STAM: variants seen among roughly 807,000 people sequenced by gnomAD.
STAM encodes signal transducing adapter molecule 1.
In STAM, 16 loss-of-function variants were observed where a neutral mutation model predicts 63.4. The observed-to-expected ratio is 0.25, with a 90% CI of 0.17 to 0.38. The LOEUF (loss-of-function observed/expected upper bound fraction) is 0.38. Ranked by LOEUF, STAM falls within the 10% of genes least tolerant of loss-of-function variation. The pLI is 1.00. For missense variants in STAM, 636 were observed against 657.1 expected (o/e 0.97, Z 0.35); for synonymous variants, 238 against 223.9 (o/e 1.06, Z -0.56).
At chr10:17,649,139 C>G (rs753146195) in intron 1 of STAM, among the ~76,000 whole-genome samples, 12 of 152,198 alleles carry the variant, frequency 7.9e-5, no homozygotes, top group Non-Finnish European at 1.8e-4. Flanking sequence ...TGCAGTGGCT[C>G]ACGCCAGTAA....
rs551633032 is a variant in STAM at position 17,695,087 on chromosome 10, A to G, written c.574A>G (p.Thr192Ala). 2.5e-6 allele frequency: 4 copies of G among 1,614,050 alleles called. No individual in the cohort carries two copies. Among genetic ancestry groups the G allele is most frequent in the Non-Finnish European group, 3.4e-6 (4 of 1,179,936 alleles). ...LSLKEQRQQS[T>A]TLSTLYPSTS... is the part of the protein sequence containing the mutation. ...TCTCAAGGAACAAAGGCAGCAGTCAACCACCCTTTCCACTTTGTATCCAAG... is the reference window on the plus strand; with the variant it reads ...TCTCAAGGAACAAAGGCAGCAGTCAGCCACCCTTTCCACTTTGTATCCAAG... The change falls in exon 7 of 14, where the codon ACC (threonine) becomes GCC (alanine). Residue 192 changes from threonine to alanine, a missense_variant. Physicochemically the swap from Thr to Ala is moderately conservative, Grantham distance 58. This residue lies in a region of STAM where 532 missense variants were observed against 536.9 expected (regional missense o/e 0.99). Coordinates refer to ENST00000377524, the MANE Select transcript of STAM (RefSeq NM_003473.4).
chr10:17,709,800 G>A (rs560880867), intron 13 of STAM, among the ~76,000 whole-genome samples: 1 of 150,076 alleles, frequency 6.7e-6, no homozygotes, highest in South Asian at 2.1e-4. Flanking sequence ...AGAGTTACGT[G>A]TTAGAGATGC....
intron 1 of STAM, among the ~76,000 whole-genome samples, chr10:17,654,267 G>T (rs548719107): frequency 1.3e-5 from 2 of 152,030 alleles, no homozygotes; most frequent in South Asian, 2.1e-4. Context: ...CTGTCACCCA[G>T]GCTGGAGTGC....
In STAM at chr10:17,708,771, C is replaced by G; in HGVS notation, c.1210-5C>G. The G allele has an allele frequency of 6.2e-7, 1 of 1,605,214 alleles. No individual in the cohort carries two copies. Among genetic ancestry groups the G allele is most frequent in the African/African-American group, 1.3e-5 (1 of 74,838 alleles). The stretch of plus-strand genomic sequence containing the variant: ...TTGAATATGATTTCTCTTTAACCAT[C>G]GCAGGTGTATGCAGGGCCTCCTCCA... On this transcript the variant is annotated splice_region_variant and splice_polypyrimidine_tract_variant and intron_variant, in intron 12 of 13. Transcript: ENST00000377524.
intron 5 of STAM, among the ~76,000 whole-genome samples, chr10:17,691,592 A>G (rs1435169795): frequency 6.6e-6 from 1 of 152,202 alleles, no homozygotes; most frequent in African/African-American, 2.4e-5. Flanking sequence ...GTAGAACTGT[A>G]TTTTATTATA....
At chr10:17,684,797 T>C (rs1417919968) in intron 3 of STAM, 35 bp from the exon 4 acceptor site, 9 of 1,613,626 alleles carry the variant, frequency 5.6e-6, no homozygotes, top group African/African-American at 1.3e-5. Context: ...CCTGCCACAA[T>C]TGAGCCCCTT....
rs112415800 is a variant in STAM, at chr10:17,706,722, G to T, written c.1209+981G>T. Among the ~76,000 whole-genome samples the T allele has an allele frequency of 5.3e-3, 800 of 152,128 alleles. 3 individuals carry two copies. The highest frequency in any genetic ancestry group is 0.019 in the African/African-American group (769 of 41,508). On this transcript the variant is annotated intron_variant, in intron 12 of 13. Coordinates refer to ENST00000377524, the MANE Select transcript of STAM (RefSeq NM_003473.4). ...GCTTCGTATGTAATTATTTACTTAA[G>T]AACCTTAGTTCTTCATCAGGTTGTG...
chr10:17,670,085 A>G (rs560366293), intron 2 of STAM, among the ~76,000 whole-genome samples: 6 of 151,920 alleles, frequency 3.9e-5, no homozygotes, highest in Non-Finnish European at 8.8e-5. Flanking sequence ...TATCTGGAAG[A>G]GAATGATGCA....
At chr10:17,672,936 C>T (rs781839550) in intron 2 of STAM, 8 of 683,726 alleles carry the variant, frequency 1.2e-5, no homozygotes, top group Non-Finnish European at 1.4e-5. Flanking sequence ...TTCTTTGTCC[C>T]TGCCCCTGAC....
intron 1 of STAM, among the ~76,000 whole-genome samples, chr10:17,651,625 G>A (rs116724392): frequency 6.7e-4 from 102 of 152,270 alleles, no homozygotes; most frequent in African/African-American, 2.4e-3. Flanking sequence ...TCTCTGAAAT[G>A]CTTCCATGCT....
At chr10:17,678,260 A>ATTTTTTT (rs34286916) in intron 2 of STAM, among the ~76,000 whole-genome samples, 13 of 150,090 alleles carry the variant, frequency 8.7e-5, no homozygotes, top group Non-Finnish European at 1.5e-4. Flanking sequence ...ATGTGGTGTA[A>ATTTTTTT]TTTTTTTTTT....
Position 17,660,459 on chromosome 10 carries a change from T to C in STAM, c.41-5T>C. On this transcript the variant is annotated splice_polypyrimidine_tract_variant and splice_region_variant and intron_variant, in intron 1 of 13. Transcript: ENST00000377524. ...TGTTTCTGCAATCCCCTTTACAATCTACAGAGAAAGCAACCAGCGAGATGA... is the reference window on the plus strand; with the variant it reads ...TGTTTCTGCAATCCCCTTTACAATCCACAGAGAAAGCAACCAGCGAGATGA... 1.3e-6 allele frequency: 2 copies of C among 1,576,682 alleles called. No homozygotes were observed. Among genetic ancestry groups the C allele is most frequent in the Non-Finnish European group, 1.7e-6 (2 of 1,163,720 alleles).
intron 9 of STAM, among the ~76,000 whole-genome samples, chr10:17,703,866 C>T (rs543269605): frequency 6.6e-6 from 1 of 152,272 alleles, no homozygotes; most frequent in South Asian, 2.1e-4. Context: ...CTTACTGAAA[C>T]AGCTGCTGTA....
chr10:17,660,519 C>G lies in STAM; in HGVS notation c.96C>G (p.Ile32Met), dbSNP rs1554822739. 4.4e-6 allele frequency: 7 copies of G among 1,605,762 alleles called. No homozygotes were observed. Among genetic ancestry groups the G allele is most frequent in the Non-Finnish European group, 5.1e-6 (6 of 1,175,994 alleles). ...AGGACTGGGGCCTCATTTTGGATAT[C>G]TGTGATAAAGTTGGTCAGTCTCGCA... ...TAEDWGLILD[I>M]CDKVGQSRTG... Residue 32 changes from isoleucine to methionine, a missense_variant, in exon 2 of 14, where the codon ATC (isoleucine) becomes ATG (methionine). Ile to Met is a conservative substitution (Grantham distance 10). Around this residue, in one of 3 missense-constraint regions of STAM, gnomAD observed 87 missense variants for 80.3 expected, o/e 1.08. Transcript: ENST00000377524.
intron 2 of STAM, among the ~76,000 whole-genome samples, chr10:17,680,436 T>G (rs1209538039): frequency 6.6e-6 from 1 of 151,936 alleles, no homozygotes; most frequent in Non-Finnish European, 1.5e-5. Context: ...TTTTTTCTTT[T>G]TTTGGAGATA....
intron 1 of STAM, among the ~76,000 whole-genome samples, chr10:17,652,406 A>G (rs1229323851): frequency 4.6e-5 from 7 of 152,154 alleles, no homozygotes; most frequent in African/African-American, 1.2e-4. Context: ...TGCTGATTCT[A>G]TTTATGTGTA....
intron 7 of STAM, chr10:17,695,906 C>T (rs1835735287): frequency 6.6e-6 from 1 of 152,178 alleles, no homozygotes. Context: ...TTATAAACAA[C>T]AGGAATTTAT....
At chr10:17,644,626 T>C (rs1286894980) in intron 1 of STAM, among the ~76,000 whole-genome samples, 8 of 152,118 alleles carry the variant, frequency 5.3e-5, no homozygotes, top group African/African-American at 1.9e-4. Flanking sequence ...AACTGCTGAA[T>C]GGGTTGGTGT....
chr10:17,714,176 C>T (rs1224951345), intron 13 of STAM, among the ~76,000 whole-genome samples: 2 of 152,170 alleles, frequency 1.3e-5, no homozygotes, highest in East Asian at 3.9e-4. Flanking sequence ...GCCCCAGCTG[C>T]TCTTTGTCCT....
Sources: gnomAD v4.1 joint callset for allele counts (sites outside exome capture counted in the v4.1 genomes callset) on GRCh38, gnomAD v4.1.1 for gene constraint, gnomAD v4.1.1 regional missense constraint, MANE v1.5 for transcripts, NCBI Gene and HGNC (gene_info 2026-07-23, HGNC 2026-07-21) for gene names.